GINS1: variants seen among roughly 807,000 people sequenced by gnomAD.
GINS1 encodes GINS complex subunit 1.
A neutral mutation model predicts 34.9 loss-of-function variants in GINS1; 26 were observed. The observed-to-expected ratio is 0.74, with a 90% confidence interval of 0.55 to 1.03. The LOEUF (loss-of-function observed/expected upper bound fraction) is 1.03. Among genes scored for constraint, GINS1 ranks in the 50% least tolerant of loss-of-function variants. GINS1 has a pLI of 0.00. For synonymous variants in GINS1, 97 were observed against 84.4 expected (o/e 1.15, Z -0.82); for missense variants, 235 against 237.9 (o/e 0.99, Z 0.08).
chr20:25,419,018 C>T (rs1334622808), intron 4 of GINS1, among the ~76,000 whole-genome samples: 1 of 152,164 alleles, frequency 6.6e-6, no homozygotes, highest in Non-Finnish European at 1.5e-5. Context: ...CACATACTCT[C>T]AGGGCACATC....
intron 4 of GINS1, chr20:25,420,750 C>A (rs2090349819): frequency 4.3e-6 from 2 of 463,656 alleles, no homozygotes; most frequent in Admixed American, 6.8e-5. Flanking sequence ...CCACTGCACT[C>A]TGGTCTGGGA....
In GINS1 at chr20:25,407,853, C is replaced by T; in HGVS notation, c.33C>T (p.Arg11=). ...GCGAAAAAGCCATGGAACTGATCCG[C>T]GAGCTGCATCGCGCGCCCGAAGGGC... MFCEKAMELI[R]ELHRAPEGQL... The change falls in exon 1 of 7, where the codon CGC becomes CGT. Residue 11 remains arginine, a synonymous_variant. Coordinates refer to ENST00000262460, the MANE Select transcript of GINS1 (RefSeq NM_021067.5). 6.2e-7 allele frequency: 1 copy of T among 1,613,950 alleles called. No homozygotes were observed. The highest frequency in any genetic ancestry group is 8.5e-7 in the Non-Finnish European group (1 of 1,179,936).
chr20:25,435,274 GA>G (rs2090447922), intron 5 of GINS1, among the ~76,000 whole-genome samples: 4 of 152,232 alleles, frequency 2.6e-5, no homozygotes, highest in East Asian at 3.9e-4. Flanking sequence ...CCAGGTATGT[GA>G]TGACTTACTT....
chr20:25,438,301 C>T (rs183013231), intron 5 of GINS1, among the ~76,000 whole-genome samples: 582 of 151,980 alleles, frequency 3.8e-3, no homozygotes, highest in Admixed American at 8.5e-3. Flanking sequence ...AATGTACGAA[C>T]TGAGCATGAA....
intron 5 of GINS1, among the ~76,000 whole-genome samples, chr20:25,428,651 A>G (rs370168042): frequency 0.011 from 1,637 of 151,468 alleles, 15 homozygotes; most frequent in South Asian, 0.024. Context: ...TGATCCGCCC[A>G]CCTCGGCCTC....
At chr20:25,422,393 G>GTGAA (rs1217956922) in intron 4 of GINS1, among the ~76,000 whole-genome samples, 20 of 151,746 alleles carry the variant, frequency 1.3e-4, no homozygotes, top group Admixed American at 1.3e-3. Flanking sequence ...GAGCAACAGG[G>GTGAA]TGAAACCCTA....
intron 6 of GINS1, chr20:25,443,176 T>A (rs1483501021): frequency 1.3e-5 from 2 of 152,188 alleles, no homozygotes; most frequent in Non-Finnish European, 2.9e-5. Context: ...TACTAATAGT[T>A]GACTAAAATT....
At chr20:25,417,977 T>C (rs1472743808) in intron 3 of GINS1, 128 bp from the exon 4 acceptor site, 3 of 703,044 alleles carry the variant, frequency 4.3e-6, no homozygotes, top group Non-Finnish European at 7.9e-6. Flanking sequence ...TCAGACTGTG[T>C]TCATGTTCTT....
chr20:25,441,219 A>G (rs1348289601), intron 5 of GINS1, among the ~76,000 whole-genome samples: 1 of 152,222 alleles, frequency 6.6e-6, no homozygotes, highest in Non-Finnish European at 1.5e-5. Flanking sequence ...CTGCTCCTCC[A>G]TGGTGTACTT....
At position 25,434,430 on chromosome 20, in the gene GINS1, C is replaced by T. The variant is rs142750059; in HGVS notation, c.448-7272C>T. 1.3e-3 allele frequency among the ~76,000 whole-genome samples: 189 copies of T among 142,172 alleles called. 1 individual carries two copies. Among genetic ancestry groups the T allele is most frequent in the African/African-American group, 4.7e-3 (179 of 37,778 alleles). The allele number at this position is 142,172 out of a possible 152,430, so 93.3% of individuals were successfully genotyped here. A position where few individuals can be genotyped will look rare whatever the true frequency, so the allele number is the denominator to read the frequency against. ...ATACCTGAGACTAGGTAATTTCTAA[C>T]GAACAGTAATTTTTTTTCTTTTTTT... On this transcript the variant is annotated intron_variant, in intron 5 of 6. Transcript: ENST00000262460.
intron 5 of GINS1, among the ~76,000 whole-genome samples, chr20:25,438,835 A>C (rs1449477349): frequency 2.0e-5 from 3 of 152,028 alleles, no homozygotes; most frequent in Non-Finnish European, 4.4e-5. Flanking sequence ...CTCCCTCCCA[A>C]AGTGCTGGGA....
At chr20:25,419,736 C>T in intron 4 of GINS1, 1 of 274,470 alleles carries the variant, frequency 3.6e-6, no homozygotes, top group Non-Finnish European at 7.1e-6. Context: ...ATTCTCTGCT[C>T]ACTGCAACTT....
chr20:25,437,968 A>G (rs995239296), intron 5 of GINS1, among the ~76,000 whole-genome samples: 1 of 151,904 alleles, frequency 6.6e-6, no homozygotes, highest in Non-Finnish European at 1.5e-5. Flanking sequence ...AAAATACAAA[A>G]TTTAGCCAGG....
At chr20:25,423,447 C>CTTTTCTTTTTTT in intron 4 of GINS1, among the ~76,000 whole-genome samples, 1 of 42,080 alleles carries the variant, frequency 2.4e-5, no homozygotes, top group Non-Finnish European at 4.8e-5. Flanking sequence ...AGATATTTTT[C>CTTTTCTTTTTTT]TTTTCTTTTT....
intron 1 of GINS1, among the ~76,000 whole-genome samples, chr20:25,412,566 C>G (rs1437086050): frequency 6.6e-6 from 1 of 152,074 alleles, no homozygotes; most frequent in Non-Finnish European, 1.5e-5. Context: ...AAAAAAAGAC[C>G]ATTTTTTAGT....
chr20:25,422,669 G>T (rs1045883772), intron 4 of GINS1, among the ~76,000 whole-genome samples: 2 of 152,074 alleles, frequency 1.3e-5, no homozygotes, highest in Non-Finnish European at 2.9e-5. Flanking sequence ...CCCATTTTTT[G>T]AACTTTATAT....
At chr20:25,429,259 G>T (rs2146210833) in intron 5 of GINS1, among the ~76,000 whole-genome samples, 1 of 152,244 alleles carries the variant, frequency 6.6e-6, no homozygotes, top group South Asian at 2.1e-4. Context: ...CAGAGTGCCG[G>T]ATTACAGGCA....
chr20:25,421,265 C>T (rs758796768), intron 4 of GINS1, among the ~76,000 whole-genome samples: 1 of 152,058 alleles, frequency 6.6e-6, no homozygotes, highest in Non-Finnish European at 1.5e-5. Context: ...TAGCAAATTC[C>T]TGGTATATAG....
intron 6 of GINS1, among the ~76,000 whole-genome samples, chr20:25,444,328 A>G (rs1405300200): frequency 6.6e-6 from 1 of 152,256 alleles, no homozygotes; most frequent in South Asian, 2.1e-4. Context: ...ACATTTTCTA[A>G]TATACATTCT....
Sources: gnomAD v4.1 joint callset for allele counts (sites outside exome capture counted in the v4.1 genomes callset) on GRCh38, gnomAD v4.1.1 for gene constraint, MANE v1.5 for transcripts, NCBI Gene and HGNC (gene_info 2026-07-23, HGNC 2026-07-21) for gene names.